Variants in PANX1 observed in about 807,000 individuals in gnomAD.
PANX1 encodes pannexin-1.
Under a neutral mutation model 38.7 loss-of-function variants are expected in PANX1, and 30 were observed. The observed-to-expected ratio is 0.78, with a 90% CI of 0.58 to 1.05. The LOEUF is 1.05. Ranked by LOEUF, PANX1 falls within the 50% of genes least tolerant of loss-of-function variation. PANX1 has a pLI of 0.00. For missense variants in PANX1, 551 were observed against 517.2 expected (o/e 1.07, Z -0.63); for synonymous variants, 230 against 212.2 (o/e 1.08, Z -0.73).
At chr11:94,164,986 A>C (rs1947087124) in intron 2 of PANX1, among the ~76,000 whole-genome samples, 1 of 152,162 alleles carries the variant, frequency 6.6e-6, no homozygotes, top group South Asian at 2.1e-4. Context: ...TGATACATGT[A>C]TAGCTATTCC....
intron 1 of PANX1, among the ~76,000 whole-genome samples, chr11:94,151,810 A>G: frequency 6.6e-6 from 1 of 152,186 alleles, no homozygotes; most frequent in East Asian, 1.9e-4. Context: ...GAACTACCCC[A>G]TTATAGAACA....
At chr11:94,143,894 G>C (rs551662287) in intron 1 of PANX1, among the ~76,000 whole-genome samples, 1 of 151,922 alleles carries the variant, frequency 6.6e-6, no homozygotes, top group African/African-American at 2.4e-5. Context: ...GACCACAGGC[G>C]CACGCCACCG....
At chr11:94,161,400 A>G (rs1241337638) in intron 2 of PANX1, among the ~76,000 whole-genome samples, 4 of 152,076 alleles carry the variant, frequency 2.6e-5, no homozygotes, top group Admixed American at 1.3e-4. Context: ...ATAGTCCCAT[A>G]TTTCTTGGAG....
At chr11:94,178,293 T>G in intron 2 of PANX1, 76 bp from the exon 3 acceptor site, 1 of 1,096,266 alleles carries the variant, frequency 9.1e-7, no homozygotes, top group Non-Finnish European at 1.4e-6. Context: ...TGTGAGAAAA[T>G]GAGAGCATCA....
At chr11:94,141,562 A>G (rs1946762028) in intron 1 of PANX1, among the ~76,000 whole-genome samples, 1 of 152,048 alleles carries the variant, frequency 6.6e-6, no homozygotes. Flanking sequence ...TCTGAAATCC[A>G]TCTTAACTAT....
intron 1 of PANX1, among the ~76,000 whole-genome samples, chr11:94,151,648 G>T (rs538900866): frequency 6.6e-6 from 1 of 152,188 alleles, no homozygotes; most frequent in Non-Finnish European, 1.5e-5. Flanking sequence ...TGCGGGAACC[G>T]TGTGAGCTTA....
intron 4 of PANX1, 21 bp from the exon 5 acceptor site, chr11:94,180,769 A>T (rs374792379): frequency 2.6e-5 from 34 of 1,293,134 alleles, no homozygotes; most frequent in Non-Finnish European, 3.8e-5. Flanking sequence ...TGTCATAAAT[A>T]TTTGTTTTCA....
intron 1 of PANX1, among the ~76,000 whole-genome samples, chr11:94,152,630 G>A (rs1946896109): frequency 6.6e-6 from 1 of 152,202 alleles, no homozygotes; most frequent in African/African-American, 2.4e-5. Flanking sequence ...GGTGGGAAGG[G>A]GAGGACACAG....
At chr11:94,134,001 T>C (rs1477914958) in intron 1 of PANX1, among the ~76,000 whole-genome samples, 1 of 151,172 alleles carries the variant, frequency 6.6e-6, no homozygotes, top group Non-Finnish European at 1.5e-5. Context: ...AGGCCTGTCC[T>C]GGCCACCTCC....
chr11:94,134,654 TC>T (rs570867339), intron 1 of PANX1, among the ~76,000 whole-genome samples: 5 of 92,610 alleles, frequency 5.4e-5, no homozygotes, highest in African/African-American at 1.7e-4. Flanking sequence ...CCTCTTCCTC[TC>T]CCCCCTCCCT....
intron 2 of PANX1, among the ~76,000 whole-genome samples, chr11:94,163,898 C>T (rs1200336346): frequency 1.3e-5 from 2 of 152,134 alleles, no homozygotes; most frequent in Non-Finnish European, 2.9e-5. Flanking sequence ...ATTACTGCCT[C>T]TCCCTTGTTA....
intron 1 of PANX1, among the ~76,000 whole-genome samples, chr11:94,140,086 T>G (rs1045214760): frequency 6.6e-6 from 1 of 152,236 alleles, no homozygotes; most frequent in Non-Finnish European, 1.5e-5. Flanking sequence ...TGAAAAAGAT[T>G]ACAACTTCCA....
At chr11:94,170,813 G>T (rs1204872409) in intron 2 of PANX1, among the ~76,000 whole-genome samples, 1 of 151,738 alleles carries the variant, frequency 6.6e-6, no homozygotes, top group Non-Finnish European at 1.5e-5. Context: ...CTGGACTGTA[G>T]CCTGTAGGTG....
chr11:94,143,586 TTAAG>T (rs1946789453), intron 1 of PANX1, among the ~76,000 whole-genome samples: 1 of 152,054 alleles, frequency 6.6e-6, no homozygotes, highest in Admixed American at 6.6e-5. Context: ...CTCAGAGAGG[TTAAG>T]TAAGTTGCTG....
intron 2 of PANX1, among the ~76,000 whole-genome samples, chr11:94,166,258 A>AT (rs1455226632): frequency 6.6e-6 from 1 of 152,132 alleles, no homozygotes; most frequent in East Asian, 1.9e-4. Context: ...GTGAGTCTGT[A>AT]TTTTTAGATG....
rs367717245 is a variant in PANX1, at chr11:94,174,812, A to G, written c.322-3557A>G. On this transcript the variant is annotated intron_variant, in intron 2 of 4. Coordinates refer to ENST00000227638, the MANE Select transcript of PANX1 (RefSeq NM_015368.4). ...GATGGTTCTTTGCCTTCGATGAGGTAGAGAGGATTTGAATATGGAGGGAAG... is the reference window on the plus strand; with the variant it reads ...GATGGTTCTTTGCCTTCGATGAGGTGGAGAGGATTTGAATATGGAGGGAAG... Among the ~76,000 whole-genome samples, 45 of 151,894 alleles carry G rather than the reference A, an allele frequency of 3.0e-4. No individual in the cohort carries two copies. The South Asian group carries it at 9.3e-3, about 31-fold the overall frequency.
At chr11:94,174,913 C>T (rs1444517635) in intron 2 of PANX1, among the ~76,000 whole-genome samples, 1 of 151,710 alleles carries the variant, frequency 6.6e-6, no homozygotes, top group Admixed American at 6.5e-5. Flanking sequence ...CCAGAAACAG[C>T]ACACATTTTT....
intron 1 of PANX1, among the ~76,000 whole-genome samples, chr11:94,148,700 A>T (rs990378626): frequency 2.6e-5 from 4 of 152,210 alleles, no homozygotes; most frequent in Admixed American, 2.0e-4. Context: ...TATAATTTAC[A>T]TTAAGGTGAA....
At chr11:94,143,004 T>A (rs1279751330) in intron 1 of PANX1, among the ~76,000 whole-genome samples, 1 of 152,270 alleles carries the variant, frequency 6.6e-6, no homozygotes, top group African/African-American at 2.4e-5. Flanking sequence ...TGAGTTTTTG[T>A]CTATTTAGAA....
Sources: allele counts gnomAD v4.1 joint callset (sites outside exome capture counted in the v4.1 genomes callset), GRCh38; gene constraint gnomAD v4.1.1; transcripts MANE v1.5; gene names NCBI Gene and HGNC (gene_info 2026-07-23, HGNC 2026-07-21).